The following FBP2 variants were observed in gnomAD, a reference collection of about 807,000 sequenced individuals.
FBP2 encodes the protein fructose-bisphosphatase 2.
FBP2 carries 27 observed loss-of-function variants against 31.6 expected under a neutral mutation model. That is an observed-to-expected ratio of 0.85 (90% CI 0.63 to 1.18). FBP2 has a LOEUF of 1.18. FBP2 is among the 50% of genes most tolerant of loss of function. The pLI is 0.00. For missense variants in FBP2, 421 were observed against 436.1 expected, an observed-to-expected ratio of 0.97 and a Z score of 0.31; for synonymous variants, 168 against 179.8, an observed-to-expected ratio of 0.93 and a Z score of 0.53.
At chr9:94,575,632 G>A (rs1827308315) in intron 3 of FBP2, among the ~76,000 whole-genome samples, 1 of 152,182 alleles carries the variant, frequency 6.6e-6, no homozygotes, top group Non-Finnish European at 1.5e-5. Flanking sequence ...TCCCAGGAGT[G>A]AAATTGCTTG....
At chr9:94,582,829 T>C (rs1827386935) in intron 3 of FBP2, among the ~76,000 whole-genome samples, 3 of 149,566 alleles carry the variant, frequency 2.0e-5, no homozygotes, top group Non-Finnish European at 4.4e-5. Flanking sequence ...ATTACAGGCA[T>C]GAGCCACCCT....
chr9:94,559,119 T>A lies in FBP2; in HGVS notation c.839A>T (p.Tyr280Phe), dbSNP rs148327617. 3 of 1,611,840 alleles carry A rather than the reference T, an allele frequency of 1.9e-6. No homozygotes were observed. In the East Asian group the frequency reaches 6.7e-5, roughly 36 times the overall value. Residue 280 changes from tyrosine to phenylalanine, a missense_variant, in exon 7 of 7, where the codon TAT becomes TTT. Coordinates refer to ENST00000375337, the MANE Select transcript of FBP2 (RefSeq NM_003837.4). ...KSPKGKLRLL[Y>F]ECNPVAYIIE... ...GATGTAGGCCACGGGATTGCATTCATACAGGAGCCGGAGCTGTGGAGGAAC... is the reference window on the plus strand; with the variant it reads ...GATGTAGGCCACGGGATTGCATTCAAACAGGAGCCGGAGCTGTGGAGGAAC...
intron 3 of FBP2, among the ~76,000 whole-genome samples, chr9:94,582,547 ATTTT>A (rs35999121): frequency 7.6e-6 from 1 of 132,234 alleles, no homozygotes; most frequent in Non-Finnish European, 1.6e-5. Flanking sequence ...CTCTTGGCTA[ATTTT>A]TTTTTTTTTT....
intron 1 of FBP2, among the ~76,000 whole-genome samples, chr9:94,590,167 C>T (rs1418886360): frequency 1.3e-5 from 2 of 152,128 alleles, no homozygotes; most frequent in Admixed American, 6.5e-5. Context: ...CCGGCAATAG[C>T]TTCACCTGAG....
At chr9:94,583,797 C>T (rs10761342) in intron 3 of FBP2, among the ~76,000 whole-genome samples, 52,575 of 152,004 alleles carry the variant, frequency 0.35, 9,564 homozygotes, top group Admixed American at 0.43. Context: ...CGGGGTTTCA[C>T]CATGTTTCCC....
At chr9:94,583,100 C>T (rs1357302731) in intron 3 of FBP2, among the ~76,000 whole-genome samples, 1 of 151,978 alleles carries the variant, frequency 6.6e-6, no homozygotes. Context: ...GGTGATCCAC[C>T]CACCTCAGCC....
At chr9:94,575,162 T>C (rs1827303920) in intron 3 of FBP2, among the ~76,000 whole-genome samples, 1 of 152,172 alleles carries the variant, frequency 6.6e-6, no homozygotes, top group South Asian at 2.1e-4. Context: ...TTTACAAATA[T>C]ATAATATACA....
At chr9:94,588,851 C>T (rs149515218) in intron 1 of FBP2, among the ~76,000 whole-genome samples, 1,854 of 152,266 alleles carry the variant, frequency 0.012, 40 homozygotes, top group African/African-American at 0.042. Flanking sequence ...CTCATCCTCA[C>T]AGGGTCAGCC....
intron 4 of FBP2, chr9:94,570,113 G>A (rs1433982449): frequency 1.3e-5 from 2 of 152,182 alleles, no homozygotes; most frequent in African/African-American, 2.4e-5. Context: ...ACAAGCTCTG[G>A]TGCCCACCTA....
At position 94,567,261 on chromosome 9, in the gene FBP2, T is replaced by G. The variant is rs1417457129; in HGVS notation, c.705+9A>C. The G allele has an allele frequency of 6.2e-7, 1 of 1,614,054 alleles. No individual in the cohort carries two copies. Among genetic ancestry groups the G allele is most frequent in the Non-Finnish European group, 8.5e-7 (1 of 1,179,998 alleles). On this transcript the variant is annotated intron_variant, in intron 5 of 6. Transcript: ENST00000375337. ...TCTGTCTGCCACCCACCTGGCTTTC[T>G]TCACTCACCTCAGGGAATTTCTTTT...
intron 6 of FBP2, among the ~76,000 whole-genome samples, chr9:94,561,352 A>ACTTTTTTTT (rs1827097696): frequency 9.1e-5 from 5 of 54,984 alleles, no homozygotes; most frequent in Admixed American, 6.3e-4. Context: ...TGTGACCTGT[A>ACTTTTTTTT]TTTTTTTTTT....
chr9:94,591,094 G>T (rs1022744832), intron 1 of FBP2, among the ~76,000 whole-genome samples: 3 of 151,978 alleles, frequency 2.0e-5, no homozygotes, highest in African/African-American at 4.8e-5. Context: ...AGTGGATCCC[G>T]CACCGGGGCT....
At chr9:94,581,189 C>A (rs925493982) in intron 3 of FBP2, among the ~76,000 whole-genome samples, 4 of 152,124 alleles carry the variant, frequency 2.6e-5, no homozygotes, top group African/African-American at 9.7e-5. Context: ...AGAATTGAAA[C>A]TATTCAATCC....
Position 94,563,391 on chromosome 9 carries a change from T to G in FBP2, c.776A>C (p.Tyr259Ser), listed in dbSNP as rs766114356. 1.2e-6 allele frequency: 2 copies of G among 1,614,058 alleles called. No individual in the cohort carries two copies. The highest frequency in any genetic ancestry group is 1.1e-5 in the South Asian group (1 of 91,076). ...MVADVHRTLV[Y>S]GGIFLYPANQ... is the part of the protein sequence containing the mutation. ...GGCTGGGTACAGGAAGATTCCTCCATAGACCAGGGTGCGGTGCACGTCAGC... is the reference window on the plus strand; with the variant it reads ...GGCTGGGTACAGGAAGATTCCTCCAGAGACCAGGGTGCGGTGCACGTCAGC... The change falls in exon 6 of 7, where the codon TAT becomes TCT. Residue 259 changes from tyrosine to serine, a missense_variant. Physicochemically the swap from Tyr to Ser is moderately radical, Grantham distance 144. Coordinates refer to ENST00000375337, the MANE Select transcript of FBP2 (RefSeq NM_003837.4).
chr9:94,589,477 G>A (rs1827466867), intron 1 of FBP2, among the ~76,000 whole-genome samples: 1 of 152,214 alleles, frequency 6.6e-6, no homozygotes, highest in Non-Finnish European at 1.5e-5. Context: ...TGCTTGCAGA[G>A]GGCAGGATCC....
At chr9:94,578,887 A>G (rs13299030) in intron 3 of FBP2, among the ~76,000 whole-genome samples, 63,136 of 149,834 alleles carry the variant, frequency 0.42, 13,720 homozygotes, top group Admixed American at 0.52. Context: ...CCCAGTCTCT[A>G]CTAAAAATAC....
rs1362245726 is a variant in FBP2 at position 94,561,419 on chromosome 9, G to A, written c.825+1923C>T. ...ACTCTGTCACCCAGGCTGGAGTGCA[G>A]TGGCGCGATCTCGGCTCACTGCAAG... On this transcript the variant is annotated intron_variant, in intron 6 of 6. Transcript: ENST00000375337. Among the ~76,000 whole-genome samples the A allele has an allele frequency of 2.2e-5, 3 of 133,468 alleles. No individual in the cohort carries two copies. In the East Asian group the frequency reaches 6.8e-4, roughly 30 times the overall value. 87.6% of individuals were successfully genotyped at this position (133,468 alleles called of 152,430 possible). A position where few individuals can be genotyped will look rare whatever the true frequency, so the allele number is the denominator to read the frequency against.
At chr9:94,584,768 A>G (rs893272437) in intron 2 of FBP2, 99 bp from the exon 3 acceptor site, 22 of 733,900 alleles carry the variant, frequency 3.0e-5, no homozygotes, top group African/African-American at 3.0e-4. Flanking sequence ...CCACATCAAA[A>G]AGAGATTGAG....
chr9:94,587,162 A>G (rs895219557), intron 2 of FBP2, 145 bp downstream of exon 2: 1 of 670,116 alleles, frequency 1.5e-6, no homozygotes, highest in Non-Finnish European at 2.4e-6. Context: ...ATTTCCAAGT[A>G]GAGAAGTATG....
Sources: allele counts gnomAD v4.1 joint callset (sites outside exome capture counted in the v4.1 genomes callset), GRCh38; gene constraint gnomAD v4.1.1; transcripts MANE v1.5; gene names NCBI Gene and HGNC (gene_info 2026-07-23, HGNC 2026-07-21).